Variants in TMEM200C observed in about 807,000 individuals in gnomAD.
TMEM200C encodes the protein transmembrane protein 200C.
For missense variants in TMEM200C, 966 were observed against 699.9 expected (o/e 1.38, Z -4.29); for synonymous variants, 462 against 324.7 (o/e 1.42, Z -4.55).
intron 1 of TMEM200C, among the ~76,000 whole-genome samples, 137 bp from the exon 1 acceptor site, chr18:5,895,659 C>G (rs2095175568): frequency 6.7e-6 from 1 of 149,192 alleles, no homozygotes; most frequent in Non-Finnish European, 1.5e-5. Context: ...GCCCGCCGCC[C>G]GTCCCTTCGG....
At position 5,891,257 on chromosome 18, in the gene TMEM200C, G is replaced by A. The variant is rs970084662; in HGVS notation, c.807C>T (p.Ser269=). Reference sequence around the variant, plus strand: ...TCGCCGCCGCTCCGAAGGCGTCCCCGGAGCCACCGCAGCCCCCGGGCTTCA... The same window carrying A: ...TCGCCGCCGCTCCGAAGGCGTCCCCAGAGCCACCGCAGCCCCCGGGCTTCA... The change falls in exon 3 of 3, where the codon TCC becomes TCT. Residue 269 remains serine, a synonymous_variant. Transcript: ENST00000581347. The surrounding 1 kb of genome is among the most constrained non-coding windows in gnomAD (Gnocchi z 4.7). 1.0e-4 allele frequency: 139 copies of A among 1,392,444 alleles called. 1 individual carries two copies. The highest frequency in any genetic ancestry group is 2.2e-4 in the Admixed American group (8 of 36,454). 86.3% of individuals were successfully genotyped at this position (1,392,444 alleles called of 1,614,324 possible).
At position 5,891,091 on chromosome 18, in the gene TMEM200C, C is replaced by G. The variant is rs936526776; in HGVS notation, c.973G>C (p.Val325Leu). ...GCCACGCCCGAGCGCTCGCGGTAGA[C>G]GCTGTACACGGCCTCGGCCAGGCTC... is the stretch of plus-strand genomic sequence containing the variant. Residue 325 changes from valine (V) to leucine (L), a missense_variant, in exon 3 of 3, where the codon GTC (valine) becomes CTC (leucine). By Grantham distance (32) the Val-to-Leu change is conservative (BLOSUM62 1). Transcript: ENST00000581347. The surrounding 1 kb of genome is among the most constrained non-coding windows in gnomAD (Gnocchi z 4.7). The G allele has an allele frequency of 3.8e-6, 2 of 527,384 alleles. No individual in the cohort carries two copies. Among genetic ancestry groups the G allele is most frequent in the African/African-American group, 2.0e-5 (1 of 49,058 alleles). 32.7% of individuals were successfully genotyped at this position (527,384 alleles called of 1,614,324 possible).
At chr18:5,890,661 C>G in exon 3 of TMEM200C, 1 of 632,730 alleles carries the variant, frequency 1.6e-6, no homozygotes, top group South Asian at 5.9e-5. Context: ...GCTGCGGCGC[C>G]GCAAGGCCGC....
chr18:5,885,617 T>C (rs2095164786), exon 3 of TMEM200C: 2 of 152,232 alleles, frequency 1.3e-5, no homozygotes, highest in South Asian at 4.1e-4. Flanking sequence ...TCTGATGTCA[T>C]AGATGAACGG....
intron 1 of TMEM200C, chr18:5,895,790 C>T (rs1025781561): frequency 1.2e-4 from 18 of 151,244 alleles, no homozygotes; most frequent in African/African-American, 3.6e-4. Context: ...CTCTCCCCGC[C>T]CCGGGGCGCC....
exon 3 of TMEM200C, chr18:5,892,083 G>C: frequency 6.2e-7 from 1 of 1,602,856 alleles, no homozygotes; most frequent in African/African-American, 1.3e-5. Flanking sequence ...CTGGAGTGCA[G>C]GACTAGCCTC....
At chr18:5,892,085 A>T (rs772200042) in exon 3 of TMEM200C, 1 of 1,601,310 alleles carries the variant, frequency 6.2e-7, no homozygotes, top group South Asian at 1.1e-5. Flanking sequence ...GGAGTGCAGG[A>T]CTAGCCTCTG....
At chr18:5,889,507 T>A (rs2095167942) in exon 3 of TMEM200C, 1 of 152,180 alleles carries the variant, frequency 6.6e-6, no homozygotes, top group Non-Finnish European at 1.5e-5. Context: ...TAAAGCATGG[T>A]GTACTTGATA....
exon 3 of TMEM200C, chr18:5,890,847 C>T (rs2095169877): frequency 5.9e-6 from 4 of 678,738 alleles, no homozygotes; most frequent in Non-Finnish European, 1.1e-5. Context: ...GCCGCGTTCC[C>T]CCGGAGGCCT....
chr18:5,891,477 T>C lies in TMEM200C; in HGVS notation c.587A>G (p.Lys196Arg). The stretch of plus-strand genomic sequence containing the variant: ...GTAGAGGTCCCGCAGGTTGATGATT[T>C]TGGTCTTCTTGTCCCGGTTCTCGTG... The change falls in exon 3 of 3, where the codon AAA becomes AGA. Residue 196 changes from lysine (K) to arginine (R), a missense_variant. Physicochemically the swap from Lys to Arg is conservative, Grantham distance 26. Transcript: ENST00000581347. This position sits in a 1 kb window ranked among gnomAD's most constrained non-coding sequence, Gnocchi z 4.7. 1 of 1,589,810 alleles carries C rather than the reference T, an allele frequency of 6.3e-7. No individual in the cohort carries two copies. Among genetic ancestry groups the C allele is most frequent in the Non-Finnish European group, 8.6e-7 (1 of 1,168,430 alleles).
exon 3 of TMEM200C, chr18:5,889,922 A>G (rs1378178400): frequency 3.2e-6 from 1 of 315,090 alleles, no homozygotes; most frequent in East Asian, 5.0e-5. Flanking sequence ...ATTTTATCTA[A>G]TGGACTAGAT....
At chr18:5,890,727 A>G in exon 3 of TMEM200C, 1 of 542,010 alleles carries the variant, frequency 1.8e-6, no homozygotes. Context: ...GCGCGCCGCT[A>G]CCGCGCCCTC....
At chr18:5,893,878 C>T (rs1391268794) in intron 2 of TMEM200C, among the ~76,000 whole-genome samples, 4 of 151,990 alleles carry the variant, frequency 2.6e-5, no homozygotes, top group Non-Finnish European at 5.9e-5. Context: ...ATCTATAAAC[C>T]TTTAAGCTGC....
At position 5,891,739 on chromosome 18, in the gene TMEM200C, T is replaced by C; in HGVS notation, c.325A>G (p.Ser109Gly). The C allele has an allele frequency of 1.2e-6, 2 of 1,612,316 alleles. No homozygotes were observed. Among genetic ancestry groups the C allele is most frequent in the South Asian group, 1.1e-5 (1 of 91,080 alleles). The change falls in exon 3 of 3, where the codon AGC becomes GGC. Residue 109 changes from serine (S) to glycine (G), a missense_variant. By Grantham distance (56) the Ser-to-Gly change is moderately conservative. Coordinates refer to ENST00000581347, the Ensembl canonical transcript of TMEM200C. This position sits in a 1 kb window ranked among gnomAD's most constrained non-coding sequence, Gnocchi z 4.7. ...GGGTGGCTCCTGGACCGGTTTTTGCTGCCACTGCTACTGCTGTTGGCCGTG... is the reference window on the plus strand; with the variant it reads ...GGGTGGCTCCTGGACCGGTTTTTGCCGCCACTGCTACTGCTGTTGGCCGTG...
exon 3 of TMEM200C, chr18:5,886,677 C>T (rs1469464538): frequency 3.3e-5 from 5 of 151,954 alleles, no homozygotes; most frequent in African/African-American, 1.2e-4. Context: ...TGTTCTAAGT[C>T]CTTTAATTAT....
rs1599523919 is a variant in TMEM200C at position 5,886,366 on chromosome 18, G to C, written c.*3832C>G. 3 of 152,254 alleles carry C rather than the reference G, an allele frequency of 2.0e-5. No homozygotes were observed. The East Asian group carries it at 5.8e-4, about 29-fold the overall frequency. 9.4% of individuals were successfully genotyped at this position (152,254 alleles called of 1,614,324 possible). A position where few individuals can be genotyped will look rare whatever the true frequency, so the allele number is the denominator to read the frequency against. ...TAATTGTGGCTAAATATAGCCAAGT[G>C]TGCCAGTTTGGGCGTTCATTCATTG... On this transcript the variant is annotated 3_prime_UTR_variant, in exon 3 of 3. Coordinates refer to ENST00000581347, the Ensembl canonical transcript of TMEM200C.
chr18:5,895,834 GTTC>G (rs746190165), intron 1 of TMEM200C: 14 of 151,528 alleles, frequency 9.2e-5, no homozygotes, highest in Admixed American at 1.3e-4. Flanking sequence ...GGGCAGCTTT[GTTC>G]TTCTTTCCTC....
At chr18:5,893,484 A>G (rs909150888) in intron 2 of TMEM200C, among the ~76,000 whole-genome samples, 2 of 152,238 alleles carry the variant, frequency 1.3e-5, no homozygotes, top group African/African-American at 4.8e-5. Context: ...TCTCCAGAGT[A>G]GAACATTTTC....
At chr18:5,890,921 C>T in exon 3 of TMEM200C, 2 of 678,564 alleles carry the variant, frequency 2.9e-6, no homozygotes, top group Non-Finnish European at 2.7e-6. Context: ...GCAAGGGCAG[C>T]AGCGCGAAGG....
Sources: gnomAD v4.1 joint callset for allele counts (sites outside exome capture counted in the v4.1 genomes callset) on GRCh38, gnomAD v4.1.1 for gene constraint, Gnocchi (gnomAD v3.1) non-coding constraint, MANE v1.5 for transcripts, NCBI Gene and HGNC (gene_info 2026-07-23, HGNC 2026-07-21) for gene names.